Variants in CDH20 observed in about 807,000 individuals in gnomAD.
The protein encoded by CDH20 is cadherin-20.
CDH20 carries 29 observed loss-of-function variants against 74.2 expected under a neutral mutation model. The ratio of observed to expected loss-of-function variants is 0.39; its 90% confidence interval spans 0.29 to 0.53. CDH20 has a LOEUF of 0.53. CDH20 is among the 20% of genes least tolerant of loss of function. CDH20 has a pLI of 0.69. For synonymous variants in CDH20, 469 were observed against 405.4 expected (o/e 1.16, Z -1.88); for missense variants, 988 against 1,048.3 (o/e 0.94, Z 0.79).
intron 2 of CDH20, among the ~76,000 whole-genome samples, chr18:61,497,654 G>A (rs941903906): frequency 2.6e-5 from 4 of 152,176 alleles, no homozygotes; most frequent in Non-Finnish European, 4.4e-5. Context: ...GGTGCCTCAC[G>A]TGCATTAATC....
chr18:61,375,670 C>T (rs1911196806), intron 1 of CDH20, among the ~76,000 whole-genome samples: 1 of 152,130 alleles, frequency 6.6e-6, no homozygotes, highest in Non-Finnish European at 1.5e-5. Flanking sequence ...TAAAGACCAA[C>T]TCAAGTGTCA....
At chr18:61,477,195 T>C (rs1204930434) in intron 1 of CDH20, among the ~76,000 whole-genome samples, 2 of 152,202 alleles carry the variant, frequency 1.3e-5, no homozygotes, top group Non-Finnish European at 2.9e-5. Flanking sequence ...TCTTATCATA[T>C]ACATGTGGCT....
intron 1 of CDH20, among the ~76,000 whole-genome samples, chr18:61,417,118 T>C (rs193099657): frequency 1.3e-5 from 2 of 152,296 alleles, no homozygotes; most frequent in African/African-American, 4.8e-5. Flanking sequence ...GTGTAACATG[T>C]AAAAATCACT....
chr18:61,365,819 T>C (rs868537090), intron 1 of CDH20, among the ~76,000 whole-genome samples: 5 of 152,200 alleles, frequency 3.3e-5, no homozygotes, highest in African/African-American at 9.7e-5. Context: ...CTTTGCAGTG[T>C]GATACAACAT....
chr18:61,424,865 T>C (rs773255390), intron 1 of CDH20, among the ~76,000 whole-genome samples: 1 of 152,180 alleles, frequency 6.6e-6, no homozygotes, highest in Non-Finnish European at 1.5e-5. Flanking sequence ...CACAAACCAT[T>C]TGGGGAAATT....
chr18:61,393,029 C>T (rs1035881482), intron 1 of CDH20, among the ~76,000 whole-genome samples: 2 of 152,164 alleles, frequency 1.3e-5, no homozygotes, highest in Admixed American at 6.5e-5. Flanking sequence ...CCCTCTTGAA[C>T]CTAGTGGCCT....
chr18:61,497,191 A>G (rs1911201453), intron 2 of CDH20, among the ~76,000 whole-genome samples: 1 of 152,102 alleles, frequency 6.6e-6, no homozygotes, highest in South Asian at 2.1e-4. Flanking sequence ...AAATAAGTAG[A>G]AAAAAGCCCA....
chr18:61,382,431 T>C (rs1911462046), intron 1 of CDH20, among the ~76,000 whole-genome samples: 1 of 152,202 alleles, frequency 6.6e-6, no homozygotes, highest in Non-Finnish European at 1.5e-5. Context: ...TGAGGGTAGA[T>C]TCATCAAATC....
At chr18:61,544,314 A>T (rs1008809641) in intron 9 of CDH20, among the ~76,000 whole-genome samples, 1 of 152,234 alleles carries the variant, frequency 6.6e-6, no homozygotes. Context: ...CGTGTGTTAC[A>T]GTGTGCTCAC....
intron 1 of CDH20, among the ~76,000 whole-genome samples, chr18:61,364,274 G>A (rs117816951): frequency 0.016 from 2,437 of 152,176 alleles, 53 homozygotes; most frequent in East Asian, 0.087. Context: ...ATAGATTAGC[G>A]TCCTCCATAG....
At chr18:61,347,287 AATATATATATAT>A (rs758677743) in intron 1 of CDH20, among the ~76,000 whole-genome samples, 103 of 86,452 alleles carry the variant, frequency 1.2e-3, no homozygotes, top group South Asian at 4.4e-3. Context: ...TGTCTCTGCT[AATATATATATAT>A]ATATATATAT....
At chr18:61,551,989 A>C (rs1913452511) in intron 11 of CDH20, among the ~76,000 whole-genome samples, 2 of 152,214 alleles carry the variant, frequency 1.3e-5, no homozygotes, top group African/African-American at 4.8e-5. Flanking sequence ...CAGAAAAAGT[A>C]AACAGTTTTC....
intron 1 of CDH20, among the ~76,000 whole-genome samples, chr18:61,439,389 G>A (rs1361478317): frequency 6.6e-6 from 1 of 152,034 alleles, no homozygotes; most frequent in East Asian, 1.9e-4. Flanking sequence ...AATGGACACT[G>A]TTCAAGGAAA....
At chr18:61,425,244 T>A (rs1913031842) in intron 1 of CDH20, among the ~76,000 whole-genome samples, 1 of 152,130 alleles carries the variant, frequency 6.6e-6, no homozygotes, top group Admixed American at 6.5e-5. Context: ...CAGTTCAGTT[T>A]CCCCAACCCT....
chr18:61,483,339 G>GTGAGAGGCTTTGAGGCAT (rs1910653644), intron 1 of CDH20, among the ~76,000 whole-genome samples: 1 of 152,160 alleles, frequency 6.6e-6, no homozygotes, highest in African/African-American at 2.4e-5. Flanking sequence ...GGCCTTGAAA[G>GTGAGAGGCTTTGAGGCAT]TGAGAGGCTT....
intron 1 of CDH20, among the ~76,000 whole-genome samples, chr18:61,443,364 TA>T (rs1442658631): frequency 2.0e-5 from 3 of 152,186 alleles, no homozygotes; most frequent in Admixed American, 1.3e-4. Flanking sequence ...AATCTCTACA[TA>T]TCAACTGTTG....
At chr18:61,349,359 A>G (rs1298766051) in intron 1 of CDH20, among the ~76,000 whole-genome samples, 1 of 152,212 alleles carries the variant, frequency 6.6e-6, no homozygotes, top group Admixed American at 6.5e-5. Flanking sequence ...TCTAATTTAC[A>G]GGCTGAACCC....
At chr18:61,549,876 C>G in intron 10 of CDH20, 102 bp from the exon 11 acceptor site, 1 of 1,220,238 alleles carries the variant, frequency 8.2e-7, no homozygotes, top group Middle Eastern at 2.3e-4. Flanking sequence ...ATCTGACTAT[C>G]CTCTTTCCTT....
Position 61,532,578 on chromosome 18 carries a change from A to ATG in CDH20, c.1272-3915_1272-3914insTG, listed in dbSNP as rs1599151601. The stretch of plus-strand genomic sequence containing the variant: ...TATACACACACACACACATATATAT[A>ATG]AAAAACAAAAGCTTTACATCAATAT... On this transcript the variant is annotated intron_variant, in intron 7 of 11. Transcript: ENST00000262717. 9.9e-5 allele frequency among the ~76,000 whole-genome samples: 15 copies of ATG among 151,314 alleles called. No homozygotes were observed. The East Asian group carries it at 2.7e-3, about 27-fold the overall frequency.
Sources: gnomAD v4.1 joint callset for allele counts (sites outside exome capture counted in the v4.1 genomes callset) on GRCh38, gnomAD v4.1.1 for gene constraint, MANE v1.5 for transcripts, NCBI Gene and HGNC (gene_info 2026-07-23, HGNC 2026-07-21) for gene names.